SMURF1: variants seen among roughly 807,000 people sequenced by gnomAD.
SMURF1 encodes E3 ubiquitin-protein ligase SMURF1.
A neutral mutation model predicts 98.0 loss-of-function variants in SMURF1; 44 were observed. That is an observed-to-expected ratio of 0.45 (90% CI 0.35 to 0.58). The LOEUF (loss-of-function observed/expected upper bound fraction) is 0.58. SMURF1 is among the 20% of genes least tolerant of loss of function. The pLI is 0.00. For missense variants in SMURF1, 687 were observed against 938.4 expected, an observed-to-expected ratio of 0.73 and a Z score of 3.50; for synonymous variants, 396 against 374.9, an observed-to-expected ratio of 1.06 and a Z score of -0.65.
At chr7:99,045,104 AC>A (rs1299751627) in intron 11 of SMURF1, among the ~76,000 whole-genome samples, 187 of 152,216 alleles carry the variant, frequency 1.2e-3, no homozygotes, top group Non-Finnish European at 2.3e-3. Context: ...GTGCCACTGC[AC>A]TCCAGCCTGG....
intron 1 of SMURF1, among the ~76,000 whole-genome samples, chr7:99,067,150 A>T: frequency 6.6e-6 from 1 of 151,636 alleles, no homozygotes; most frequent in Admixed American, 6.6e-5. Flanking sequence ...CACACACACC[A>T]CCATGCCCGG....
intron 7 of SMURF1, 132 bp downstream of exon 7, chr7:99,052,073 T>C: frequency 7.8e-7 from 1 of 1,283,482 alleles, no homozygotes; most frequent in Non-Finnish European, 1.0e-6. Context: ...AGGTCAAGGC[T>C]GCCGTGAGCC....
At chr7:99,119,798 G>A (rs1797557933) in intron 1 of SMURF1, among the ~76,000 whole-genome samples, 1 of 152,180 alleles carries the variant, frequency 6.6e-6, no homozygotes, top group Admixed American at 6.5e-5. Context: ...TATGATTCAA[G>A]GAGAAAGAGA....
intron 13 of SMURF1, 120 bp from the exon 14 acceptor site, chr7:99,038,645 A>T (rs1209464980): frequency 2.5e-6 from 3 of 1,218,840 alleles, no homozygotes; most frequent in Non-Finnish European, 3.4e-6. Context: ...AGCCTCGGGC[A>T]GACACAGAAC....
intron 1 of SMURF1, among the ~76,000 whole-genome samples, chr7:99,117,719 A>G (rs899201820): frequency 6.6e-6 from 1 of 152,308 alleles, no homozygotes; most frequent in South Asian, 2.1e-4. Flanking sequence ...ACTGTTAAGA[A>G]AGTAAAAAGA....
intron 14 of SMURF1, 138 bp downstream of exon 14, chr7:99,038,250 C>T (rs774909712): frequency 1.5e-5 from 16 of 1,038,098 alleles, no homozygotes; most frequent in Admixed American, 2.7e-5. Flanking sequence ...TTCTGAAAGT[C>T]GCCTCTGTTC....
At chr7:99,111,587 A>G (rs193248677) in intron 1 of SMURF1, among the ~76,000 whole-genome samples, 62 of 152,374 alleles carry the variant, frequency 4.1e-4, no homozygotes, top group African/African-American at 1.5e-3. Context: ...AAAAACTGCC[A>G]GAATCAACTG....
At chr7:99,118,866 C>A (rs71567521) in intron 1 of SMURF1, among the ~76,000 whole-genome samples, 1 of 151,856 alleles carries the variant, frequency 6.6e-6, no homozygotes, top group African/African-American at 2.4e-5. Context: ...CTATTTATTT[C>A]TGCATTGTTA....
At chr7:99,095,381 GT>G (rs1336578454) in intron 1 of SMURF1, among the ~76,000 whole-genome samples, 1 of 152,056 alleles carries the variant, frequency 6.6e-6, no homozygotes, top group African/African-American at 2.4e-5. Context: ...CAGGCGGACT[GT>G]TTTTTTGTAT....
chr7:99,088,200 G>T (rs1276778249), intron 1 of SMURF1, among the ~76,000 whole-genome samples: 1 of 151,784 alleles, frequency 6.6e-6, no homozygotes, highest in East Asian at 1.9e-4. Flanking sequence ...GGAGGCTGCA[G>T]TGAGCCGAGA....
At chr7:99,038,616 C>A in intron 13 of SMURF1, 91 bp from the exon 14 acceptor site, 1 of 1,494,820 alleles carries the variant, frequency 6.7e-7, no homozygotes. Flanking sequence ...CTGCCAAACC[C>A]GGGGCTGCAA....
At chr7:99,049,906 CGA>C (rs1032920254) in intron 8 of SMURF1, 197 bp from the exon 9 acceptor site, 2 of 482,342 alleles carry the variant, frequency 4.1e-6, no homozygotes, top group African/African-American at 4.0e-5. Flanking sequence ...CAGCAACATC[CGA>C]GAGATTTAAA....
chr7:99,111,861 A>G (rs1470376496), intron 1 of SMURF1, among the ~76,000 whole-genome samples: 7 of 152,196 alleles, frequency 4.6e-5, no homozygotes, highest in African/African-American at 1.7e-4. Flanking sequence ...GGCTCAAAGG[A>G]TATGCCTGTC....
In SMURF1 at chr7:99,063,269, A is replaced by T. The variant is rs1202989514; in HGVS notation, c.56-1432T>A. On this transcript the variant is annotated intron_variant, in intron 1 of 17. Transcript: ENST00000361368. ...TATATATATATATATATATATATAT[A>T]TATATATATATATATATATATATAT... Among the ~76,000 whole-genome samples, 49 of 15,696 alleles carry T rather than the reference A, an allele frequency of 3.1e-3. 2 individuals carry two copies. The East Asian group carries it at 0.037, about 12-fold the overall frequency. 10.3% of individuals were successfully genotyped at this position (15,696 alleles called of 152,430 possible). A position where few individuals can be genotyped will look rare whatever the true frequency, so the allele number is the denominator to read the frequency against.
chr7:99,078,469 A>G (rs1398612959), intron 1 of SMURF1, among the ~76,000 whole-genome samples: 2 of 152,142 alleles, frequency 1.3e-5, no homozygotes, highest in Non-Finnish European at 2.9e-5. Context: ...AGCTCTACTC[A>G]CAAAAGGAAT....
chr7:99,102,668 A>G (rs1797108160), intron 1 of SMURF1, among the ~76,000 whole-genome samples: 1 of 152,228 alleles, frequency 6.6e-6, no homozygotes, highest in Non-Finnish European at 1.5e-5. Flanking sequence ...TACAAGAATA[A>G]CACATGCAAA....
At chr7:99,053,875 T>C (rs1009634409) in intron 6 of SMURF1, among the ~76,000 whole-genome samples, 1 of 152,210 alleles carries the variant, frequency 6.6e-6, no homozygotes, top group Non-Finnish European at 1.5e-5. Context: ...CCCCCCGTCA[T>C]TATGAACCCA....
intron 17 of SMURF1, 35 bp downstream of exon 17, chr7:99,033,002 C>G (rs760771555): frequency 6.3e-7 from 1 of 1,599,650 alleles, no homozygotes; most frequent in East Asian, 2.2e-5. Flanking sequence ...TCTGGGGCTC[C>G]CAGGACGCCG....
chr7:99,054,631 T>C (rs1272427029), intron 6 of SMURF1, among the ~76,000 whole-genome samples, 159 bp downstream of exon 6: 2 of 152,154 alleles, frequency 1.3e-5, no homozygotes, highest in African/African-American at 4.8e-5. Context: ...TACAGCTTCC[T>C]TTATAGCCAA....
Sources: gnomAD v4.1 joint callset for allele counts (sites outside exome capture counted in the v4.1 genomes callset) on GRCh38, gnomAD v4.1.1 for gene constraint, MANE v1.5 for transcripts, NCBI Gene and HGNC (gene_info 2026-07-23, HGNC 2026-07-21) for gene names.